Variants in SMARCA4 observed in about 807,000 individuals in gnomAD.
The protein encoded by SMARCA4 is SWI/SNF-related matrix-associated actin-dependent regulator of chromatin subfamily A member 4.
Under a neutral mutation model 193.9 loss-of-function variants are expected in SMARCA4, and 31 were observed. That is an observed-to-expected ratio of 0.16 (90% CI 0.12 to 0.22). The LOEUF (loss-of-function observed/expected upper bound fraction) is 0.22. Ranked by LOEUF, SMARCA4 falls within the 10% of genes least tolerant of loss-of-function variation. The pLI, the probability that SMARCA4 is intolerant of heterozygous loss-of-function variation, is 1.00. For synonymous variants in SMARCA4, 942 were observed against 933.1 expected, an observed-to-expected ratio of 1.01 and a Z score of -0.17; for missense variants, 1,148 against 2,296.0, an observed-to-expected ratio of 0.50 and a Z score of 10.22.
intron 30 of SMARCA4, among the ~76,000 whole-genome samples, chr19:11,044,601 A>C (rs1299228010): frequency 6.6e-6 from 1 of 152,132 alleles, no homozygotes; most frequent in Non-Finnish European, 1.5e-5. Flanking sequence ...TTGCACCAGC[A>C]CCCGCCCCAG....
intron 25 of SMARCA4, chr19:11,032,722 A>G (rs2075012587): frequency 5.8e-6 from 1 of 171,502 alleles, no homozygotes; most frequent in Non-Finnish European, 1.3e-5. Context: ...GTTGGGAGCT[A>G]ACTGCACCAG....
rs2146698126 is a variant in SMARCA4, at chr19:11,034,969, G to A, written c.4007G>A (p.Arg1336His). Reference sequence around the variant, plus strand: ...GCCCGCAACCCCAAGCGGAAGCCGCGCCTCATGGAGGAGGACGAGCTCCCC... The same window carrying A: ...GCCCGCAACCCCAAGCGGAAGCCGCACCTCATGGAGGAGGACGAGCTCCCC... ...EEARNPKRKP[R>H]LMEEDELPSW... The change falls in exon 29 of 35, where the codon CGC becomes CAC. Residue 1336 changes from arginine to histidine, a missense_variant. Physicochemically the swap from Arg to His is conservative, Grantham distance 29. This residue lies in a region of SMARCA4 where 84 missense variants were observed against 202.2 expected (regional missense o/e 0.42). Coordinates refer to ENST00000344626, the MANE Select transcript of SMARCA4 (RefSeq NM_003072.5). This position sits in a 1 kb window ranked among gnomAD's most constrained non-coding sequence, Gnocchi z 7.0. The A allele has an allele frequency of 1.2e-6, 2 of 1,603,018 alleles. No homozygotes were observed. Among genetic ancestry groups the A allele is most frequent in the Non-Finnish European group, 1.7e-6 (2 of 1,175,732 alleles).
intron 1 of SMARCA4, among the ~76,000 whole-genome samples, chr19:10,963,403 C>T (rs1209956139): frequency 1.3e-5 from 2 of 149,076 alleles, no homozygotes; most frequent in Non-Finnish European, 3.0e-5. Context: ...AAAAAGAAAG[C>T]TTGGTGCAGG....
At chr19:11,002,884 A>G (rs2087785376) in intron 11 of SMARCA4, 145 bp from the exon 12 acceptor site, 2 of 778,944 alleles carry the variant, frequency 2.6e-6, no homozygotes, top group East Asian at 2.6e-5. Flanking sequence ...CTGAGTATAC[A>G]GTTTACGCAT....
In SMARCA4 at chr19:10,984,742, T is replaced by C. The variant is rs2085865109; in HGVS notation, c.222+369T>C. Reference sequence around the variant, plus strand: ...GTTTCCCCCGTTCTGGCTGTCAGGCTCACCTGTGCAGCTCGCAGAGCCGAG... The same window carrying C: ...GTTTCCCCCGTTCTGGCTGTCAGGCCCACCTGTGCAGCTCGCAGAGCCGAG... On this transcript the variant is annotated intron_variant, in intron 2 of 34. Transcript: ENST00000344626. This position sits in a 1 kb window ranked among gnomAD's most constrained non-coding sequence, Gnocchi z 4.3. Among the ~76,000 whole-genome samples, 1 of 152,250 alleles carries C rather than the reference T, an allele frequency of 6.6e-6. No individual in the cohort carries two copies. Among genetic ancestry groups the C allele is most frequent in the Non-Finnish European group, 1.5e-5 (1 of 68,044 alleles).
chr19:10,979,705 G>A (rs1483939588), intron 1 of SMARCA4, among the ~76,000 whole-genome samples: 7 of 149,676 alleles, frequency 4.7e-5, no homozygotes, highest in Non-Finnish European at 1.0e-4. Flanking sequence ...TATGTTATAA[G>A]TATATATTGT....
chr19:11,061,200 AAAAAATATATATATAT>A lies in SMARCA4; in HGVS notation c.4912-582_4912-567del, dbSNP rs1267876818. On this transcript the variant is annotated intron_variant, in intron 34 of 34. Transcript: ENST00000344626. Reference sequence around the variant, plus strand: ...AAGACCCTGTCTTTAAAAAAAAAAAAAAAAATATATATATATATATATATATATATATATATATATA... The same window carrying A: ...AAGACCCTGTCTTTAAAAAAAAAAAAATATATATATATATATATATATATA... Among the ~76,000 whole-genome samples the A allele has an allele frequency of 1.3e-4, 9 of 70,568 alleles. 1 individual carries two copies. The highest frequency in any genetic ancestry group is 2.2e-4 in the African/African-American group (3 of 13,612). The allele number at this position is 70,568 out of a possible 152,430, so 46.3% of individuals were successfully genotyped here.
intron 13 of SMARCA4, among the ~76,000 whole-genome samples, chr19:11,004,914 AC>A (rs2088042898): frequency 6.6e-6 from 1 of 151,428 alleles, no homozygotes; most frequent in Admixed American, 6.6e-5. Flanking sequence ...ATCTCGGCTC[AC>A]TGCAATCTCT....
rs891841379 is a variant in SMARCA4 at position 11,034,865 on chromosome 19, C to T, written c.3952-49C>T. The T allele has an allele frequency of 2.3e-6, 3 of 1,281,494 alleles. No homozygotes were observed. The highest frequency in any genetic ancestry group is 3.9e-5 in the Admixed American group (2 of 50,680). The allele number at this position is 1,281,494 out of a possible 1,614,324, so 79.4% of individuals were successfully genotyped here. ...CTCGGTGTTCTGGCTCTAGCGTGCC[C>T]CTGGTGCCTGCATGCTGATGCCTCT... On this transcript the variant is annotated intron_variant, in intron 28 of 34. Coordinates refer to ENST00000344626, the MANE Select transcript of SMARCA4 (RefSeq NM_003072.5). This position sits in a 1 kb window ranked among gnomAD's most constrained non-coding sequence, Gnocchi z 7.0.
chr19:10,989,401 C>G lies in SMARCA4; in HGVS notation c.1203C>G (p.Thr401=), dbSNP rs2145849082. The G allele has an allele frequency of 6.2e-7, 1 of 1,614,168 alleles. No homozygotes were observed. The stretch of plus-strand genomic sequence containing the variant: ...CCGGGGATTTGCGAACCAAAGCGAC[C>G]ATTGAGCTCAAGGCCCTCAGGCTGC... ...SLAGDLRTKA[T]IELKALRLLN... The change falls in exon 7 of 35, where the codon ACC becomes ACG. Residue 401 remains threonine, a synonymous_variant. Transcript: ENST00000344626.
intron 1 of SMARCA4, chr19:10,983,459 G>A (rs2085734383): frequency 6.8e-6 from 1 of 146,696 alleles, no homozygotes; most frequent in South Asian, 2.1e-4. Flanking sequence ...TTCTGAGACA[G>A]AGTGTCGCTC....
chr19:10,966,107 C>T (rs1298012767), intron 1 of SMARCA4, among the ~76,000 whole-genome samples: 4 of 151,374 alleles, frequency 2.6e-5, no homozygotes, highest in Non-Finnish European at 4.4e-5. Context: ...CTCAGCCTCC[C>T]GAGTAGCTGG....
intron 21 of SMARCA4, among the ~76,000 whole-genome samples, chr19:11,024,787 G>A (rs922995920): frequency 6.6e-6 from 1 of 152,076 alleles, no homozygotes; most frequent in Non-Finnish European, 1.5e-5. Context: ...GAGAATCCCA[G>A]GCCCCAGGCC....
Position 10,986,749 on chromosome 19 carries a change from A to C in SMARCA4, c.760+156A>C, listed in dbSNP as rs1287428076. Reference sequence around the variant, plus strand: ...TTCTGGGTGCTCGGGTGGTGGGGGCAGCTAAATGCTGCTTCCCCAGCTCCC... The same window carrying C: ...TTCTGGGTGCTCGGGTGGTGGGGGCCGCTAAATGCTGCTTCCCCAGCTCCC... On this transcript the variant is annotated intron_variant, in intron 4 of 34. Transcript: ENST00000344626. The surrounding 1 kb of genome is among the most constrained non-coding windows in gnomAD (Gnocchi z 6.7). Among the ~76,000 whole-genome samples the C allele has an allele frequency of 1.3e-5, 2 of 152,172 alleles. No individual in the cohort carries two copies. Among genetic ancestry groups the C allele is most frequent in the Non-Finnish European group, 2.9e-5 (2 of 68,006 alleles).
chr19:11,027,637 G>T, intron 23 of SMARCA4, 147 bp from the exon 24 acceptor site: 1 of 830,550 alleles, frequency 1.2e-6, no homozygotes, highest in Non-Finnish European at 2.0e-6. Context: ...GAAGCTTTGG[G>T]TGGGTGACGT....
At chr19:10,998,685 T>C (rs2087320903) in intron 11 of SMARCA4, among the ~76,000 whole-genome samples, 1 of 151,994 alleles carries the variant, frequency 6.6e-6, no homozygotes, top group Non-Finnish European at 1.5e-5. Context: ...TACGGATTCT[T>C]GTTTAGTTGA....
chr19:10,980,299 G>T (rs1258580508), intron 1 of SMARCA4, among the ~76,000 whole-genome samples: 1 of 152,116 alleles, frequency 6.6e-6, no homozygotes. Flanking sequence ...GTGAAACCCC[G>T]TGCTTCTAAA....
rs902428108 is a variant in SMARCA4, at chr19:11,060,119, C to T, written c.4843C>T (p.Arg1615Trp). 31 of 1,550,956 alleles carry T rather than the reference C, an allele frequency of 2.0e-5. No individual in the cohort carries two copies. The South Asian group carries it at 2.9e-4, about 14-fold the overall frequency. The change falls in exon 34 of 35, where the codon CGG (arginine) becomes TGG (tryptophan). Residue 1615 changes from arginine to tryptophan, a missense_variant. Transcript: ENST00000344626. ...AQDRLKGGRR[R>W]PSRGSRAKPV... ...GGACCGGCTGAAGGGCGGCCGGCGG[C>T]GGCCGAGCCGAGGGTCCCGAGCCAA...
At chr19:10,991,459 T>G in intron 8 of SMARCA4, 136 bp downstream of exon 8, 3 of 1,381,708 alleles carry the variant, frequency 2.2e-6, no homozygotes, top group Non-Finnish European at 3.0e-6. Context: ...TGTAACAGTA[T>G]TCTAGGTACT....
Sources: allele counts gnomAD v4.1 joint callset (sites outside exome capture counted in the v4.1 genomes callset), GRCh38; gene constraint gnomAD v4.1.1; regional missense constraint gnomAD v4.1.1; non-coding constraint Gnocchi (gnomAD v3.1); transcripts MANE v1.5; gene names NCBI Gene and HGNC (gene_info 2026-07-23, HGNC 2026-07-21).